MTMR7: variants seen among roughly 807,000 people sequenced by gnomAD.
The protein encoded by MTMR7 is myotubularin related protein 7.
In MTMR7, 76 loss-of-function variants were observed where a neutral mutation model predicts 81.2. The ratio of observed to expected loss-of-function variants is 0.94; its 90% CI spans 0.78 to 1.13. The LOEUF is 1.13. MTMR7 is among the 50% of genes most tolerant of loss of function. The pLI, the probability that MTMR7 is intolerant of heterozygous loss-of-function variation, is 0.00. For missense variants in MTMR7, 1,044 were observed against 820.0 expected (o/e 1.27, Z -3.34); for synonymous variants, 372 against 289.8 (o/e 1.28, Z -2.88).
At chr8:17,318,692 T>G (rs140215676) in intron 7 of MTMR7, among the ~76,000 whole-genome samples, 1 of 152,164 alleles carries the variant, frequency 6.6e-6, no homozygotes, top group Non-Finnish European at 1.5e-5. Context: ...ACAGGTATTG[T>G]GCATGTTTGG....
At chr8:17,404,384 A>C (rs1308152140) in intron 1 of MTMR7, among the ~76,000 whole-genome samples, 3 of 152,196 alleles carry the variant, frequency 2.0e-5, no homozygotes, top group African/African-American at 7.2e-5. Flanking sequence ...GAATTAGTTC[A>C]GTTTGGGACA....
At chr8:17,332,532 T>C (rs1819056148) in intron 6 of MTMR7, among the ~76,000 whole-genome samples, 1 of 152,150 alleles carries the variant, frequency 6.6e-6, no homozygotes, top group Non-Finnish European at 1.5e-5. Flanking sequence ...AGGCTTACGA[T>C]GGGGTTATAT....
chr8:17,310,356 A>G (rs1012847818), intron 9 of MTMR7, among the ~76,000 whole-genome samples: 8 of 152,124 alleles, frequency 5.3e-5, no homozygotes, highest in East Asian at 1.9e-4. Flanking sequence ...AATATCCCCA[A>G]TGCTTTAAAG....
At chr8:17,395,285 T>G (rs774613950) in intron 1 of MTMR7, among the ~76,000 whole-genome samples, 1 of 152,234 alleles carries the variant, frequency 6.6e-6, no homozygotes, top group East Asian at 1.9e-4. Context: ...TTCCATTGCA[T>G]GTACATATCA....
intron 1 of MTMR7, among the ~76,000 whole-genome samples, chr8:17,387,397 G>A (rs572563334): frequency 2.0e-5 from 3 of 152,176 alleles, no homozygotes; most frequent in African/African-American, 7.2e-5. Context: ...AAGAAGTTTA[G>A]ACAGACCCAG....
At chr8:17,360,089 T>C (rs764412323) in intron 4 of MTMR7, among the ~76,000 whole-genome samples, 2 of 152,220 alleles carry the variant, frequency 1.3e-5, no homozygotes, top group African/African-American at 2.4e-5. Context: ...CAGCCATACT[T>C]AGGTAATACT....
In MTMR7 at chr8:17,302,219, CTG is replaced by C; in HGVS notation, c.1553_1554del (p.Thr518ArgfsTer36). 1 of 1,614,104 alleles carries C rather than the reference CTG, an allele frequency of 6.2e-7. No homozygotes were observed. Among genetic ancestry groups the C allele is most frequent in the East Asian group, 2.2e-5 (1 of 44,878 alleles). ...EKGMQPRQSV[T>X]DYLMAVKEET... ...TCTTCCTTCACTGCCATTAGGTAATCTGTAACTGACTGTCGGGGCTGCATCCC... is the reference window on the plus strand; with the variant it reads ...TCTTCCTTCACTGCCATTAGGTAATCTAACTGACTGTCGGGGCTGCATCCC... On this transcript the variant is annotated frameshift_variant, in exon 13 of 14. Transcript: ENST00000180173. LOFTEE classifies it high-confidence loss of function.
intron 1 of MTMR7, among the ~76,000 whole-genome samples, chr8:17,388,132 A>C (rs1417025926): frequency 6.6e-6 from 1 of 152,196 alleles, no homozygotes; most frequent in African/African-American, 2.4e-5. Flanking sequence ...ATAAATAAAA[A>C]TTCAGGCACT....
intron 11 of MTMR7, among the ~76,000 whole-genome samples, chr8:17,305,170 G>T (rs1358912702): frequency 1.3e-5 from 2 of 152,114 alleles, no homozygotes; most frequent in African/African-American, 4.8e-5. Flanking sequence ...CATTTGAACT[G>T]ATCATTCCCC....
intron 5 of MTMR7, among the ~76,000 whole-genome samples, chr8:17,347,700 A>G (rs1223207035): frequency 2.6e-5 from 4 of 152,200 alleles, no homozygotes; most frequent in Admixed American, 1.3e-4. Flanking sequence ...AGTGGGTGCC[A>G]AAGACCATTC....
At chr8:17,345,787 T>G (rs1430007312) in intron 5 of MTMR7, among the ~76,000 whole-genome samples, 9 of 152,224 alleles carry the variant, frequency 5.9e-5, no homozygotes, top group Non-Finnish European at 1.3e-4. Context: ...TCTCCTAATC[T>G]GATCACCAGT....
In MTMR7 at chr8:17,322,168, T is replaced by C. The variant is rs921304417; in HGVS notation, c.866-8767A>G. Among the ~76,000 whole-genome samples the C allele has an allele frequency of 2.0e-5, 3 of 152,116 alleles. No homozygotes were observed. In the East Asian group the frequency reaches 5.8e-4, roughly 29 times the overall value. On this transcript the variant is annotated intron_variant, in intron 7 of 13. Coordinates refer to ENST00000180173, the MANE Select transcript of MTMR7 (RefSeq NM_004686.5). ...CTGTCCTCTTCCCATTTTGGAGTCA[T>C]GAAGCCAAGATCCATAAGACAGTCT...
At chr8:17,370,226 T>C (rs1156700213) in intron 3 of MTMR7, among the ~76,000 whole-genome samples, 1 of 151,174 alleles carries the variant, frequency 6.6e-6, no homozygotes, top group Non-Finnish European at 1.5e-5. Flanking sequence ...TAAATTATTA[T>C]CAAAAAGCAA....
chr8:17,372,598 TTAA>T (rs914598705), intron 2 of MTMR7, among the ~76,000 whole-genome samples: 1 of 151,860 alleles, frequency 6.6e-6, no homozygotes, highest in Middle Eastern at 3.2e-3. Flanking sequence ...AAAAATAATA[TTAA>T]TAATAATAAT....
At chr8:17,341,586 T>C in intron 5 of MTMR7, 89 bp from the exon 6 acceptor site, 3 of 1,471,216 alleles carry the variant, frequency 2.0e-6, no homozygotes, top group African/African-American at 1.4e-5. Context: ...CAAAGAGCCC[T>C]TGGCTCACTG....
chr8:17,307,186 T>C (rs1410339329), intron 10 of MTMR7, among the ~76,000 whole-genome samples: 1 of 151,962 alleles, frequency 6.6e-6, no homozygotes, highest in Non-Finnish European at 1.5e-5. Flanking sequence ...CTCAAACAAA[T>C]TTACAAGAAA....
chr8:17,382,623 C>T (rs1046789080), intron 1 of MTMR7, among the ~76,000 whole-genome samples: 2 of 152,158 alleles, frequency 1.3e-5, no homozygotes, highest in South Asian at 2.1e-4. Context: ...TCACGCTACA[C>T]GGCATGCAGA....
At chr8:17,411,931 G>A (rs1585132389) in intron 1 of MTMR7, among the ~76,000 whole-genome samples, 1 of 152,214 alleles carries the variant, frequency 6.6e-6, no homozygotes, top group Admixed American at 6.5e-5. Flanking sequence ...GAAGGAGGAA[G>A]AATGCCCTTG....
chr8:17,411,890 A>G (rs1261605411), intron 1 of MTMR7, among the ~76,000 whole-genome samples: 3 of 152,198 alleles, frequency 2.0e-5, no homozygotes, highest in Admixed American at 2.0e-4. Flanking sequence ...CACAACAGCT[A>G]TCACTTTTAC....
Sources: gnomAD v4.1 joint callset for allele counts (sites outside exome capture counted in the v4.1 genomes callset) on GRCh38, gnomAD v4.1.1 for gene constraint, MANE v1.5 for transcripts, NCBI Gene and HGNC (gene_info 2026-07-23, HGNC 2026-07-21) for gene names.